Variants in MAGI3 observed in about 807,000 individuals in gnomAD.
MAGI3 encodes the protein membrane-associated guanylate kinase, WW and PDZ domain-containing protein 3.
A neutral mutation model predicts 121.8 loss-of-function variants in MAGI3; 43 were observed. That is an observed-to-expected ratio of 0.35 (90% CI 0.28 to 0.46). MAGI3 has a LOEUF of 0.46. MAGI3 is among the 20% of genes least tolerant of loss of function. MAGI3 has a pLI of 1.00. For missense variants in MAGI3, 1,547 were observed against 1,797.3 expected (o/e 0.86, Z 2.52); for synonymous variants, 553 against 639.3 (o/e 0.86, Z 2.04).
At chr1:113,545,406 C>T (rs1480154740) in intron 1 of MAGI3, among the ~76,000 whole-genome samples, 3 of 151,910 alleles carry the variant, frequency 2.0e-5, no homozygotes, top group Non-Finnish European at 4.4e-5. Context: ...TCTTGACTTT[C>T]GCCAAGTGGT....
chr1:113,420,431 A>G (rs1257561111), intron 1 of MAGI3, among the ~76,000 whole-genome samples: 3 of 152,222 alleles, frequency 2.0e-5, no homozygotes, highest in Non-Finnish European at 4.4e-5. Context: ...CAAGGGCTGT[A>G]GATTTAGGAA....
At chr1:113,513,233 A>G (rs1657707147) in intron 1 of MAGI3, among the ~76,000 whole-genome samples, 1 of 152,222 alleles carries the variant, frequency 6.6e-6, no homozygotes, top group African/African-American at 2.4e-5. Context: ...TGCCATCCCC[A>G]TGAAGCTACC....
chr1:113,513,206 G>A (rs1254868227), intron 1 of MAGI3, among the ~76,000 whole-genome samples: 2 of 152,080 alleles, frequency 1.3e-5, no homozygotes, highest in Admixed American at 6.6e-5. Context: ...ACTGCCCAAG[G>A]TAATTTAGAG....
intron 1 of MAGI3, among the ~76,000 whole-genome samples, chr1:113,516,243 C>A (rs539015890): frequency 6.1e-4 from 93 of 151,854 alleles, no homozygotes; most frequent in Non-Finnish European, 1.1e-3. Context: ...AGTAAGCAGA[C>A]CTTACATTCA....
chr1:113,534,240 T>C (rs772257555), intron 1 of MAGI3, among the ~76,000 whole-genome samples: 1 of 152,244 alleles, frequency 6.6e-6, no homozygotes, highest in African/African-American at 2.4e-5. Context: ...GCTTTTCCCA[T>C]AGTCCACATT....
At chr1:113,444,588 A>C (rs1205995056) in intron 1 of MAGI3, among the ~76,000 whole-genome samples, 1 of 152,218 alleles carries the variant, frequency 6.6e-6, no homozygotes, top group Non-Finnish European at 1.5e-5. Flanking sequence ...TCAAGACAAA[A>C]ACAATAAATA....
Position 113,600,863 on chromosome 1 carries a change from A to G in MAGI3, c.1018+6303A>G, listed in dbSNP as rs190487859. 5.9e-3 allele frequency among the ~76,000 whole-genome samples: 901 copies of G among 152,314 alleles called. 10 individuals are homozygous for G. The highest frequency in any genetic ancestry group is 0.021 in the African/African-American group (872 of 41,546). On this transcript the variant is annotated intron_variant, in intron 6 of 20. Coordinates refer to ENST00000307546, the MANE Select transcript of MAGI3 (RefSeq NM_001142782.2). The stretch of plus-strand genomic sequence containing the variant: ...ACCAAAACAGCATGGTACTGGTACC[A>G]AAACAGAGATATAGATCAATGGGAC...
At chr1:113,571,275 A>G (rs558625976) in intron 2 of MAGI3, among the ~76,000 whole-genome samples, 7 of 152,124 alleles carry the variant, frequency 4.6e-5, no homozygotes, top group Non-Finnish European at 8.8e-5. Context: ...TACCAATACC[A>G]TATTGTTTTG....
chr1:113,598,935 C>T (rs1649191416), intron 6 of MAGI3, among the ~76,000 whole-genome samples: 1 of 152,158 alleles, frequency 6.6e-6, no homozygotes, highest in Non-Finnish European at 1.5e-5. Context: ...CAAAACAAGT[C>T]TCAATAAATT....
At chr1:113,640,792 A>G (rs1652409523) in intron 9 of MAGI3, among the ~76,000 whole-genome samples, 1 of 150,924 alleles carries the variant, frequency 6.6e-6, no homozygotes, top group Non-Finnish European at 1.5e-5. Flanking sequence ...CTTAAAACCT[A>G]GATGACGGGT....
intron 3 of MAGI3, among the ~76,000 whole-genome samples, chr1:113,583,324 A>T (rs1269673538): frequency 1.3e-5 from 2 of 150,848 alleles, no homozygotes; most frequent in East Asian, 3.9e-4. Flanking sequence ...AACAATGCTA[A>T]TTTTTTTTTA....
At position 113,653,953 on chromosome 1, in the gene MAGI3, A is replaced by C; in HGVS notation, c.2564A>C (p.Gln855Pro). The change falls in exon 15 of 21, where the codon CAA (glutamine) becomes CCA (proline). Residue 855 changes from glutamine (Q) to proline (P), a missense_variant. Physicochemically the swap from Gln to Pro is moderately conservative, Grantham distance 76 (BLOSUM62 -1). Transcript: ENST00000307546. ...APQEPYDVVLQRKENEGFGFV... is the reference protein window; with the variant it reads ...APQEPYDVVLPRKENEGFGFV... ...CAGGAGCCCTATGATGTTGTCTTGC[A>C]ACGAAAAGAAAATGAAGGATTTGGC... 6.2e-7 allele frequency: 1 copy of C among 1,613,964 alleles called. No individual in the cohort carries two copies. Among genetic ancestry groups the C allele is most frequent in the Non-Finnish European group, 8.5e-7 (1 of 1,179,924 alleles).
At position 113,683,834 on chromosome 1, in the gene MAGI3, C is replaced by G; in HGVS notation, c.4266C>G (p.Asn1422Lys). ...AACCTGAAGAGAAGGTAGTTTCAAA[C>G]AAAACAGAAGATCACAAAGGGAAAG... ...KQEPEEKVVS[N>K]KTEDHKGKEL... Residue 1422 changes from asparagine (N) to lysine (K), a missense_variant, in exon 21 of 21, where the codon AAC (asparagine) becomes AAG (lysine). Transcript: ENST00000307546. 1 of 1,611,758 alleles carries G rather than the reference C, an allele frequency of 6.2e-7. No individual in the cohort carries two copies. The highest frequency in any genetic ancestry group is 1.1e-5 in the South Asian group (1 of 90,490).
chr1:113,488,950 C>T (rs113970873), intron 1 of MAGI3, among the ~76,000 whole-genome samples: 1 of 152,114 alleles, frequency 6.6e-6, no homozygotes, highest in Non-Finnish European at 1.5e-5. Context: ...CAGCAGGGGC[C>T]CCCTGCGCCC....
intron 1 of MAGI3, among the ~76,000 whole-genome samples, chr1:113,409,166 C>CTTTTTTTTT (rs57811709): frequency 7.0e-6 from 1 of 143,438 alleles, no homozygotes; most frequent in Non-Finnish European, 1.5e-5. Flanking sequence ...AGGATCTGTT[C>CTTTTTTTTT]TTTTTTTTTT....
chr1:113,472,734 T>TTGTGTG lies in MAGI3; in HGVS notation c.317-76761_317-76756dup, dbSNP rs35390645. ...TACTGATATTGTGTATCTACTACAG[T>TTGTGTG]TGTGTGTGTGTGTGTGTGTGTGTGT... On this transcript the variant is annotated intron_variant, in intron 1 of 20. Transcript: ENST00000307546. Among the ~76,000 whole-genome samples the TTGTGTG allele has an allele frequency of 9.0e-4, 125 of 139,336 alleles. 2 individuals are homozygous for TTGTGTG. The South Asian group carries it at 0.028, about 31-fold the overall frequency. The allele number at this position is 139,336 out of a possible 152,430, so 91.4% of individuals were successfully genotyped here. A position where few individuals can be genotyped will look rare whatever the true frequency, so the allele number is the denominator to read the frequency against.
chr1:113,467,314 T>C (rs1226139829), intron 1 of MAGI3, among the ~76,000 whole-genome samples: 1 of 152,188 alleles, frequency 6.6e-6, no homozygotes, highest in African/African-American at 2.4e-5. Flanking sequence ...AGATACTTGA[T>C]ATGATTTCTA....
intron 20 of MAGI3, 49 bp from the exon 21 acceptor site, chr1:113,682,848 A>G: frequency 6.7e-7 from 1 of 1,491,032 alleles, no homozygotes; most frequent in Non-Finnish European, 8.9e-7. Context: ...TATTGTTCCT[A>G]TTTGTAATTC....
At chr1:113,675,515 T>G (rs1323556965) in intron 19 of MAGI3, among the ~76,000 whole-genome samples, 1 of 152,162 alleles carries the variant, frequency 6.6e-6, no homozygotes, top group Non-Finnish European at 1.5e-5. Flanking sequence ...AGAGCAGGTG[T>G]AAATGTTTAG....
Sources: allele counts gnomAD v4.1 joint callset (sites outside exome capture counted in the v4.1 genomes callset), GRCh38; gene constraint gnomAD v4.1.1; transcripts MANE v1.5; gene names NCBI Gene and HGNC (gene_info 2026-07-23, HGNC 2026-07-21).